Variants in SHH observed in about 807,000 individuals in gnomAD.
SHH encodes sonic hedgehog protein.
Under a neutral mutation model 16.6 loss-of-function variants are expected in SHH, and 3 were observed. The observed-to-expected ratio is 0.18, with a 90% CI of 0.08 to 0.47. SHH has a LOEUF of 0.47. Ranked by LOEUF, SHH falls within the 20% of genes least tolerant of loss-of-function variation. SHH has a pLI of 0.98. For missense variants in SHH, 499 were observed against 665.0 expected, an observed-to-expected ratio of 0.75 and a Z score of 2.75; for synonymous variants, 351 against 316.2, an observed-to-expected ratio of 1.11 and a Z score of -1.17.
rs1316700926 is a variant in SHH, at chr7:155,802,083, A to G, written c.*817T>C. The G allele has an allele frequency of 7.1e-6, 1 of 141,166 alleles. No homozygotes were observed. Among genetic ancestry groups the G allele is most frequent in the African/African-American group, 2.9e-5 (1 of 34,934 alleles). The allele number at this position is 141,166 out of a possible 1,614,324, so 8.7% of individuals were successfully genotyped here. ...CAGTTCTTCCAGTTTGTCCAAAAAA[A>G]AAAAAAAAAAAAAAAAAGAAAAGAA... is the stretch of plus-strand genomic sequence containing the variant. On this transcript the variant is annotated 3_prime_UTR_variant, in exon 3 of 3. Coordinates refer to ENST00000297261, the MANE Select transcript of SHH (RefSeq NM_000193.4).
rs762884127 is a variant in SHH, at chr7:155,807,342, T to C, written c.301-785A>G. 2 of 153,332 alleles carry C rather than the reference T, an allele frequency of 1.3e-5. No homozygotes were observed. The highest frequency in any genetic ancestry group is 2.9e-5 in the Non-Finnish European group (2 of 68,876). 9.5% of individuals were successfully genotyped at this position (153,332 alleles called of 1,614,324 possible). On this transcript the variant is annotated intron_variant, in intron 1 of 2. Transcript: ENST00000297261. The surrounding 1 kb of genome is among the most constrained non-coding windows in gnomAD (Gnocchi z 7.1). The stretch of plus-strand genomic sequence containing the variant: ...TCTGTGGTCTGATTGTGTTTCTTGT[T>C]TTCTTTAACCTGTTCCCTTCCTCCG...
rs1031741334 is a variant in SHH, at chr7:155,802,165, A to G, written c.*735T>C. The G allele has an allele frequency of 3.3e-5, 5 of 151,924 alleles. No individual in the cohort carries two copies. The allele number at this position is 151,924 out of a possible 1,614,324, so 9.4% of individuals were successfully genotyped here. The stretch of plus-strand genomic sequence containing the variant: ...TGTGTAACAGTCTTGGCTTCCAAGA[A>G]TGTGGCAAAATGGTGAATACAAAGG... On this transcript the variant is annotated 3_prime_UTR_variant, in exon 3 of 3. Coordinates refer to ENST00000297261, the MANE Select transcript of SHH (RefSeq NM_000193.4).
At chr7:155,808,189 G>A (rs1320766535) in intron 1 of SHH, among the ~76,000 whole-genome samples, 1 of 152,200 alleles carries the variant, frequency 6.6e-6, no homozygotes, top group East Asian at 1.9e-4. Context: ...GAAGGGCAGA[G>A]TTTGAGTGAG....
intron 2 of SHH, 70 bp downstream of exon 2, chr7:155,806,226 C>T: frequency 6.2e-7 from 1 of 1,600,786 alleles, no homozygotes; most frequent in East Asian, 2.2e-5. Flanking sequence ...GTTTCTTTTT[C>T]TCTTGAATCA....
intron 1 of SHH, among the ~76,000 whole-genome samples, chr7:155,811,253 T>A (rs567165772): frequency 6.6e-6 from 1 of 152,320 alleles, no homozygotes; most frequent in South Asian, 2.1e-4. Flanking sequence ...CTGCCTTTTG[T>A]CAGAACCGCC....
At chr7:155,811,380 GGCTAC>G (rs1803519472) in intron 1 of SHH, among the ~76,000 whole-genome samples, 3 of 152,206 alleles carry the variant, frequency 2.0e-5, no homozygotes, top group African/African-American at 7.2e-5. Flanking sequence ...CAATGCCCAA[GGCTAC>G]GTTCGTTCGT....
At position 155,812,203 on chromosome 7, in the gene SHH, C is replaced by A. The variant is rs1803538911; in HGVS notation, c.-81G>T. The A allele has an allele frequency of 1.5e-6, 2 of 1,360,280 alleles. No individual in the cohort carries two copies. The allele number at this position is 1,360,280 out of a possible 1,614,324, so 84.3% of individuals were successfully genotyped here. A position where few individuals can be genotyped will look rare whatever the true frequency, so the allele number is the denominator to read the frequency against. ...TGCGCGCGGCGGGTGTGTGCGTGTG[C>A]GCTCTCTCTTGCGCTTTCCCTTCCT... On this transcript the variant is annotated 5_prime_UTR_variant, in exon 1 of 3. Coordinates refer to ENST00000297261, the MANE Select transcript of SHH (RefSeq NM_000193.4).
In SHH at chr7:155,809,916, C is replaced by T. The variant is rs1366462338; in HGVS notation, c.300+1907G>A. On this transcript the variant is annotated intron_variant, in intron 1 of 2. Transcript: ENST00000297261. This position sits in a 1 kb window ranked among gnomAD's most constrained non-coding sequence, Gnocchi z 6.1. ...GCAGGCGGCGGACTGGGGATGGGGGCGCGTCCCAGGGCAGGCCGGCGGAGC... is the reference window on the plus strand; with the variant it reads ...GCAGGCGGCGGACTGGGGATGGGGGTGCGTCCCAGGGCAGGCCGGCGGAGC... Among the ~76,000 whole-genome samples the T allele has an allele frequency of 6.6e-6, 1 of 151,476 alleles. No homozygotes were observed. The highest frequency in any genetic ancestry group is 1.5e-5 in the Non-Finnish European group (1 of 67,824).
Position 155,803,020 on chromosome 7 carries a change from A to AATT in SHH, c.1268_1269insAAT (p.Ala423_Pro424insIle). ...TGCCCGCGGTGGCCCCCGCACCCGG[A>AATT]GCGTCGGCAGCACCTGGAGCGGTTA... is the stretch of plus-strand genomic sequence containing the variant. On this transcript the variant is annotated inframe_insertion, in exon 3 of 3. Coordinates refer to ENST00000297261, the MANE Select transcript of SHH (RefSeq NM_000193.4). 6.5e-7 allele frequency: 1 copy of AATT among 1,548,616 alleles called. No homozygotes were observed. The highest frequency in any genetic ancestry group is 8.7e-7 in the Non-Finnish European group (1 of 1,148,868).
At position 155,812,278 on chromosome 7, in the gene SHH, T is replaced by C; in HGVS notation, c.-156A>G. 1 of 732,352 alleles carries C rather than the reference T, an allele frequency of 1.4e-6. No homozygotes were observed. Among genetic ancestry groups the C allele is most frequent in the Non-Finnish European group, 2.4e-6 (1 of 419,554 alleles). The allele number at this position is 732,352 out of a possible 1,614,324, so 45.4% of individuals were successfully genotyped here. ...CTCCCTCGCTGGCTGCCTCGCTCTT[T>C]CTCTTCCTATATAACCTTGCCCGCC... On this transcript the variant is annotated 5_prime_UTR_variant, in exon 1 of 3. Coordinates refer to ENST00000297261, the MANE Select transcript of SHH (RefSeq NM_000193.4).
Position 155,803,450 on chromosome 7 carries a change from G to T in SHH, c.839C>A (p.Ser280Ter). Reference sequence around the variant, plus strand: ...GGACGCCTCGGGCTCCCCGGTGGCCGAGTCGTTGTGCGGCGCCACAAAGAG... The same window carrying T: ...GGACGCCTCGGGCTCCCCGGTGGCCTAGTCGTTGTGCGGCGCCACAAAGAG... ...HLLFVAPHND[S>*]ATGEPEASSG... The change falls in exon 3 of 3, where the codon TCG (serine) becomes TAG (stop). Residue 280 changes from serine (S) to a stop codon, truncating the protein, a stop_gained. Transcript: ENST00000297261. LOFTEE classifies it low-confidence loss of function (END_TRUNC). The T allele has an allele frequency of 6.5e-7, 1 of 1,544,480 alleles. No individual in the cohort carries two copies.
In SHH at chr7:155,802,735, G is replaced by T; in HGVS notation, c.*165C>A. The T allele has an allele frequency of 2.3e-6, 1 of 433,500 alleles. No homozygotes were observed. The highest frequency in any genetic ancestry group is 3.9e-6 in the Non-Finnish European group (1 of 258,308). The allele number at this position is 433,500 out of a possible 1,614,324, so 26.9% of individuals were successfully genotyped here. ...AAGCACAACAACAAAACTTCCCGGGGTCCTTGTTTCCTTAGAGTCTACTTT... is the reference window on the plus strand; with the variant it reads ...AAGCACAACAACAAAACTTCCCGGGTTCCTTGTTTCCTTAGAGTCTACTTT... On this transcript the variant is annotated 3_prime_UTR_variant, in exon 3 of 3. Coordinates refer to ENST00000297261, the MANE Select transcript of SHH (RefSeq NM_000193.4).
chr7:155,806,958 T>C (rs1803381841), intron 1 of SHH: 1 of 239,350 alleles, frequency 4.2e-6, no homozygotes, highest in Non-Finnish European at 8.6e-6. Flanking sequence ...GCCCTCCACT[T>C]CTAGCCCCCC....
At chr7:155,811,284 A>G (rs9333596) in intron 1 of SHH, among the ~76,000 whole-genome samples, 29,672 of 152,066 alleles carry the variant, frequency 0.2, 3,078 homozygotes, top group African/African-American at 0.26. Flanking sequence ...TCCAGTTGAG[A>G]ATTCTTTGGT....
chr7:155,802,076 C>CAAAAAAAAAAAAAAAAAAAAAAA lies in SHH; in HGVS notation c.*801_*823dup, dbSNP rs10596345. The CAAAAAAAAAAAAAAAAAAAAAAA allele has an allele frequency of 3.5e-4, 32 of 91,186 alleles. No individual in the cohort carries two copies. Among genetic ancestry groups the CAAAAAAAAAAAAAAAAAAAAAAA allele is most frequent in the African/African-American group, 8.4e-4 (19 of 22,644 alleles). The allele number at this position is 91,186 out of a possible 1,614,324, so 5.6% of individuals were successfully genotyped here. A position where few individuals can be genotyped will look rare whatever the true frequency, so the allele number is the denominator to read the frequency against. On this transcript the variant is annotated 3_prime_UTR_variant, in exon 3 of 3. Transcript: ENST00000297261. ...AAAATAACAGTTCTTCCAGTTTGTC[C>CAAAAAAAAAAAAAAAAAAAAAAA]AAAAAAAAAAAAAAAAAAAAAAAAG...
Position 155,811,765 on chromosome 7 carries a change from G to A in SHH, c.300+58C>T, listed in dbSNP as rs1236777250. On this transcript the variant is annotated intron_variant, in intron 1 of 2. Transcript: ENST00000297261. ...AACAGAGTTAAGTCTGGAAGTGTTC[G>A]GCTTCTCGTAACCCCCTGGAAAGCC... The A allele has an allele frequency of 9.1e-6, 14 of 1,537,414 alleles. No homozygotes were observed. The East Asian group carries it at 2.2e-4, about 25-fold the overall frequency.
Position 155,803,638 on chromosome 7 carries a change from G to A in SHH, c.651C>T (p.Asp217=), listed in dbSNP as rs1382331033. The change falls in exon 3 of 3, where the codon GAC becomes GAT. Residue 217 remains aspartate, a synonymous_variant. Transcript: ENST00000297261. ...LEQGGTKLVK[D]LSPGDRVLAA... ...CCAGCACGCGGTCCCCGGGGCTCAG[G>A]TCCTTCACCAGCTTGGTGCCGCCCT... is the stretch of plus-strand genomic sequence containing the variant. 1.3e-6 allele frequency: 2 copies of A among 1,598,250 alleles called. No individual in the cohort carries two copies. The highest frequency in any genetic ancestry group is 2.2e-5 in the East Asian group (1 of 44,822).
Position 155,807,619 on chromosome 7 carries a change from C to T in SHH, c.301-1062G>A, listed in dbSNP as rs1477035579. 6.6e-6 allele frequency among the ~76,000 whole-genome samples: 1 copy of T among 152,130 alleles called. No homozygotes were observed. The highest frequency in any genetic ancestry group is 1.9e-4 in the East Asian group (1 of 5,178). On this transcript the variant is annotated intron_variant, in intron 1 of 2. Transcript: ENST00000297261. The surrounding 1 kb of genome is among the most constrained non-coding windows in gnomAD (Gnocchi z 7.1). ...GGGTTCCCCTGGAATTCTGGGGTCA[C>T]CCTCAGATAAGGATGCGACAGAAAG...
Position 155,802,581 on chromosome 7 carries a change from G to C in SHH, c.*319C>G. 1 of 229,628 alleles carries C rather than the reference G, an allele frequency of 4.4e-6. No homozygotes were observed. Among genetic ancestry groups the C allele is most frequent in the Non-Finnish European group, 8.4e-6 (1 of 119,000 alleles). The allele number at this position is 229,628 out of a possible 1,614,324, so 14.2% of individuals were successfully genotyped here. A position where few individuals can be genotyped will look rare whatever the true frequency, so the allele number is the denominator to read the frequency against. ...TTATCCAAGAAACAAACTATTTAAG[G>C]CTCTTGAAGGTCCGGTTCATATTAT... is the stretch of plus-strand genomic sequence containing the variant. On this transcript the variant is annotated 3_prime_UTR_variant, in exon 3 of 3. Coordinates refer to ENST00000297261, the MANE Select transcript of SHH (RefSeq NM_000193.4).
Sources: gnomAD v4.1 joint callset for allele counts (sites outside exome capture counted in the v4.1 genomes callset) on GRCh38, gnomAD v4.1.1 for gene constraint, Gnocchi (gnomAD v3.1) non-coding constraint, MANE v1.5 for transcripts, NCBI Gene and HGNC (gene_info 2026-07-23, HGNC 2026-07-21) for gene names.